PACSIN2: variants seen among roughly 807,000 people sequenced by gnomAD.
PACSIN2 encodes protein kinase C and casein kinase substrate in neurons protein 2.
PACSIN2 carries 25 observed loss-of-function variants against 63.8 expected under a neutral mutation model. The observed-to-expected ratio is 0.39, with a 90% CI of 0.29 to 0.55. The LOEUF (loss-of-function observed/expected upper bound fraction) is 0.55. Ranked by LOEUF, PACSIN2 falls within the 20% of genes least tolerant of loss-of-function variation. The probability of loss-of-function intolerance (pLI) is 0.62; values close to 1 mark genes in which losing one functional copy is unlikely to be tolerated. For synonymous variants in PACSIN2, 255 were observed against 256.2 expected (o/e 1.00, Z 0.05); for missense variants, 518 against 646.9 (o/e 0.80, Z 2.16).
intron 1 of PACSIN2, among the ~76,000 whole-genome samples, chr22:42,935,984 T>C (rs568754804): frequency 2.6e-5 from 4 of 152,052 alleles, no homozygotes; most frequent in Non-Finnish European, 5.9e-5. Flanking sequence ...GAGGCCGAGG[T>C]GGGTGAATCA....
Position 42,881,089 on chromosome 22 carries a change from T to C in PACSIN2, c.906+1095A>G, listed in dbSNP as rs1054747115. 3.9e-5 allele frequency among the ~76,000 whole-genome samples: 6 copies of C among 152,174 alleles called. No individual in the cohort carries two copies. The East Asian group carries it at 1.2e-3, about 29-fold the overall frequency. On this transcript the variant is annotated intron_variant, in intron 7 of 10. Transcript: ENST00000263246. ...GCACAGCTGCTCTACTGCCTCCTAC[T>C]GGGAGCAAGTCCTGGGGCTGGCGCA... is the stretch of plus-strand genomic sequence containing the variant.
At chr22:42,972,551 A>G (rs185014375) in intron 1 of PACSIN2, among the ~76,000 whole-genome samples, 6 of 152,226 alleles carry the variant, frequency 3.9e-5, no homozygotes, top group Admixed American at 2.0e-4. Flanking sequence ...CATTTTAGAA[A>G]AATAGTTCCT....
At chr22:42,899,262 C>T (rs875629) in intron 2 of PACSIN2, among the ~76,000 whole-genome samples, 53,982 of 151,958 alleles carry the variant, frequency 0.36, 10,755 homozygotes, top group Non-Finnish European at 0.45. Flanking sequence ...TTGTGACTTA[C>T]GGCATGGCTC....
intron 2 of PACSIN2, among the ~76,000 whole-genome samples, chr22:42,911,634 C>T (rs762067155): frequency 6.6e-6 from 1 of 152,168 alleles, no homozygotes; most frequent in Non-Finnish European, 1.5e-5. Flanking sequence ...AAATCACAGC[C>T]CTCCTTGTTT....
chr22:42,909,924 G>A lies in PACSIN2; in HGVS notation c.60+2097C>T, dbSNP rs557004002. ...GTGCACACCGACTCCCTCAGCTCCC[G>A]TGTCAGAGGGAAGGGCCCCCACCAG... is the stretch of plus-strand genomic sequence containing the variant. On this transcript the variant is annotated intron_variant, in intron 2 of 10. Transcript: ENST00000263246. Among the ~76,000 whole-genome samples the A allele has an allele frequency of 2.0e-4, 30 of 152,272 alleles. No homozygotes were observed. In the South Asian group the frequency reaches 4.8e-3, roughly 24 times the overall value.
At chr22:42,917,206 C>G (rs143290312) in intron 1 of PACSIN2, among the ~76,000 whole-genome samples, 29 of 152,320 alleles carry the variant, frequency 1.9e-4, no homozygotes, top group African/African-American at 6.5e-4. Context: ...GCCCAAGCAG[C>G]GGAGTTGAGA....
At chr22:43,003,087 A>T (rs991707426) in intron 1 of PACSIN2, among the ~76,000 whole-genome samples, 1 of 152,244 alleles carries the variant, frequency 6.6e-6, no homozygotes, top group African/African-American at 2.4e-5. Flanking sequence ...GAGGCAGGAC[A>T]GAGACAACGT....
At chr22:42,998,483 T>C (rs7287792) in intron 1 of PACSIN2, among the ~76,000 whole-genome samples, 53,973 of 152,106 alleles carry the variant, frequency 0.35, 10,920 homozygotes, top group Non-Finnish European at 0.46. Flanking sequence ...CAATAAACTT[T>C]TTCTGAACTT....
intron 1 of PACSIN2, among the ~76,000 whole-genome samples, chr22:42,954,645 TA>T (rs1319877871): frequency 6.6e-6 from 1 of 152,198 alleles, no homozygotes; most frequent in East Asian, 1.9e-4. Context: ...AATTTTAATG[TA>T]AACAGTCACG....
chr22:42,974,830 A>AGAGGAGGAG (rs879889564), intron 1 of PACSIN2, among the ~76,000 whole-genome samples: 16 of 151,770 alleles, frequency 1.1e-4, no homozygotes, highest in Non-Finnish European at 1.8e-4. Flanking sequence ...AAGAAGAAGA[A>AGAGGAGGAG]GAGGAGGAGG....
chr22:42,978,913 G>T (rs1247210836), intron 1 of PACSIN2, among the ~76,000 whole-genome samples: 1 of 152,100 alleles, frequency 6.6e-6, no homozygotes, highest in Non-Finnish European at 1.5e-5. Flanking sequence ...CTTCTTTTCA[G>T]GTTTCCTATG....
At chr22:42,981,647 T>TG (rs1238189771) in intron 1 of PACSIN2, among the ~76,000 whole-genome samples, 11 of 61,552 alleles carry the variant, frequency 1.8e-4, no homozygotes, top group East Asian at 5.7e-4. Flanking sequence ...GGGAGGGAGG[T>TG]GGGGGGGTCA....
intron 1 of PACSIN2, among the ~76,000 whole-genome samples, chr22:43,000,307 T>C (rs541088547): frequency 1.8e-4 from 27 of 152,292 alleles, no homozygotes; most frequent in African/African-American, 6.3e-4. Context: ...CTTTGCAGCC[T>C]TTGTGGGGAC....
intron 1 of PACSIN2, among the ~76,000 whole-genome samples, chr22:42,961,135 A>C (rs1934117895): frequency 2.0e-5 from 3 of 152,242 alleles, no homozygotes; most frequent in Admixed American, 2.0e-4. Flanking sequence ...AATTGGCAAA[A>C]GAACATACTG....
chr22:42,935,846 G>A (rs1055972037), intron 1 of PACSIN2, among the ~76,000 whole-genome samples: 53 of 152,240 alleles, frequency 3.5e-4, no homozygotes, highest in East Asian at 1.9e-4. Flanking sequence ...ACCCCTGAGA[G>A]ATGACCTAGC....
chr22:42,987,231 T>C (rs939527665), intron 1 of PACSIN2, among the ~76,000 whole-genome samples: 6 of 152,174 alleles, frequency 3.9e-5, no homozygotes, highest in African/African-American at 1.4e-4. Flanking sequence ...TGAGCCTCCA[T>C]TTCATTTATG....
At chr22:42,895,003 T>C (rs1418456589) in intron 2 of PACSIN2, among the ~76,000 whole-genome samples, 1 of 152,210 alleles carries the variant, frequency 6.6e-6, no homozygotes, top group East Asian at 1.9e-4. Flanking sequence ...ACTCCACTCC[T>C]GTGAGAACCA....
At chr22:42,952,642 G>A (rs1018737212) in intron 1 of PACSIN2, among the ~76,000 whole-genome samples, 17 of 149,300 alleles carry the variant, frequency 1.1e-4, no homozygotes, top group African/African-American at 3.7e-4. Flanking sequence ...TAGACGTTGA[G>A]CCACCACACC....
At chr22:43,002,168 G>A (rs1923809966) in intron 1 of PACSIN2, 4 of 152,202 alleles carry the variant, frequency 2.6e-5, no homozygotes, top group Admixed American at 2.0e-4. Flanking sequence ...CCCCATGAGA[G>A]CAGCATCTAG....
Sources: gnomAD v4.1 joint callset for allele counts (sites outside exome capture counted in the v4.1 genomes callset) on GRCh38, gnomAD v4.1.1 for gene constraint, MANE v1.5 for transcripts, NCBI Gene and HGNC (gene_info 2026-07-23, HGNC 2026-07-21) for gene names.